Variants in CATSPERG observed in about 807,000 individuals in gnomAD.
CATSPERG encodes the protein cation channel sperm-associated auxiliary subunit gamma.
A neutral mutation model predicts 145.0 loss-of-function variants in CATSPERG; 115 were observed. The observed-to-expected ratio is 0.79, with a 90% CI of 0.68 to 0.93. The LOEUF (loss-of-function observed/expected upper bound fraction) is 0.93, where lower values mean the gene tolerates loss of function less well. Among genes scored for constraint, CATSPERG ranks in the 40% least tolerant of loss-of-function variants. The pLI, the probability that CATSPERG is intolerant of heterozygous loss-of-function variation, is 0.00. For synonymous variants in CATSPERG, 588 were observed against 589.0 expected, an observed-to-expected ratio of 1.00 and a Z score of 0.02; for missense variants, 1,296 against 1,490.1, an observed-to-expected ratio of 0.87 and a Z score of 2.14.
intron 11 of CATSPERG, among the ~76,000 whole-genome samples, chr19:38,357,586 G>T (rs1600470629): frequency 6.6e-6 from 1 of 151,714 alleles, no homozygotes; most frequent in Non-Finnish European, 1.5e-5. Context: ...GGACACCAAG[G>T]TGGGTGGAAT....
At chr19:38,354,564 C>A in intron 8 of CATSPERG, 146 bp from the exon 9 acceptor site, 1 of 885,012 alleles carries the variant, frequency 1.1e-6, no homozygotes, top group Non-Finnish European at 1.7e-6. Flanking sequence ...GTGCCCTCTG[C>A]CAGGTGCTCC....
chr19:38,346,616 T>C lies in CATSPERG; in HGVS notation c.825+11T>C. ...TTCTCTCTCGTGGAGGTGAACGGTG[T>C]GGGGCAGATGGTGGGCGGGGCGTCT... On this transcript the variant is annotated intron_variant, in intron 7 of 28. Coordinates refer to ENST00000409235, the MANE Select transcript of CATSPERG (RefSeq NM_021185.5). The C allele has an allele frequency of 6.5e-7, 1 of 1,539,338 alleles. No homozygotes were observed. The highest frequency in any genetic ancestry group is 2.0e-5 in the Admixed American group (1 of 50,726).
At position 38,360,469 on chromosome 19, in the gene CATSPERG, T is replaced by G; in HGVS notation, c.1609-20T>G. 6 of 1,613,570 alleles carry G rather than the reference T, an allele frequency of 3.7e-6. No homozygotes were observed. Among genetic ancestry groups the G allele is most frequent in the Non-Finnish European group, 2.5e-6 (3 of 1,179,862 alleles). Reference sequence around the variant, plus strand: ...ACCCCATGGTCCTGACACACACACATCCGGCTGTCATACCCGCAGATCTGG... The same window carrying G: ...ACCCCATGGTCCTGACACACACACAGCCGGCTGTCATACCCGCAGATCTGG... On this transcript the variant is annotated intron_variant, in intron 14 of 28. Coordinates refer to ENST00000409235, the MANE Select transcript of CATSPERG (RefSeq NM_021185.5).
intron 13 of CATSPERG, 96 bp downstream of exon 13, chr19:38,358,657 A>C: frequency 2.3e-5 from 33 of 1,460,954 alleles, no homozygotes; most frequent in Non-Finnish European, 2.9e-5. Context: ...GGCAAGTCTC[A>C]CCAAGCCTTC....
Position 38,370,147 on chromosome 19 carries a change from C to T in CATSPERG, c.3114-12C>T. On this transcript the variant is annotated splice_polypyrimidine_tract_variant and intron_variant, in intron 27 of 28. Transcript: ENST00000409235. The stretch of plus-strand genomic sequence containing the variant: ...TCTCCTCTAATCCTGGATCCCCTCC[C>T]AACCCCTGCAGAGGAGTGGACACGA... The T allele has an allele frequency of 6.2e-7, 1 of 1,613,764 alleles. No homozygotes were observed. The highest frequency in any genetic ancestry group is 8.5e-7 in the Non-Finnish European group (1 of 1,179,834).
intron 7 of CATSPERG, among the ~76,000 whole-genome samples, chr19:38,347,731 A>C (rs1970064243): frequency 6.6e-6 from 1 of 152,190 alleles, no homozygotes; most frequent in African/African-American, 2.4e-5. Flanking sequence ...ACCTGAGGTC[A>C]GGAGTTGCAG....
intron 8 of CATSPERG, among the ~76,000 whole-genome samples, chr19:38,354,025 A>G (rs979523019): frequency 1.6e-4 from 23 of 146,824 alleles, no homozygotes; most frequent in East Asian, 1.0e-3. Flanking sequence ...AAAAGATACC[A>G]AAGCTCTCTT....
intron 28 of CATSPERG, 122 bp downstream of exon 28, chr19:38,370,380 G>A (rs754948128): frequency 8.0e-6 from 11 of 1,382,510 alleles, no homozygotes; most frequent in African/African-American, 5.7e-5. Flanking sequence ...CTGACTGAAC[G>A]CCTGCCATGC....
rs370849392 is a variant in CATSPERG, at chr19:38,356,547, C to T, written c.1195+4C>T. 2.2e-5 allele frequency: 36 copies of T among 1,613,422 alleles called. No individual in the cohort carries two copies. Among genetic ancestry groups the T allele is most frequent in the Non-Finnish European group, 2.9e-5 (34 of 1,179,782 alleles). On this transcript the variant is annotated splice_donor_region_variant and intron_variant, in intron 10 of 28. Coordinates refer to ENST00000409235, the MANE Select transcript of CATSPERG (RefSeq NM_021185.5). ...TCTGTGTGCGAGCAGATAGGAGGTA[C>T]TCATTACCCCGATGGGTCTGCGGTG...
intron 3 of CATSPERG, among the ~76,000 whole-genome samples, chr19:38,341,169 G>A (rs759263380): frequency 1.3e-5 from 2 of 152,152 alleles, no homozygotes; most frequent in Admixed American, 6.5e-5. Flanking sequence ...GGGGCTTGAT[G>A]GGCCATGGTG....
Position 38,352,451 on chromosome 19 carries a change from G to T in CATSPERG, c.997+19G>T, listed in dbSNP as rs1004030873. The T allele has an allele frequency of 6.4e-7, 1 of 1,551,498 alleles. No individual in the cohort carries two copies. The highest frequency in any genetic ancestry group is 1.4e-5 in the African/African-American group (1 of 73,110). ...GGCAGTGGTGAGTGTGCTGTGGCTG[G>T]ACCCACGCCTGGGGAGGGCACCCTG... On this transcript the variant is annotated intron_variant, in intron 8 of 28. Transcript: ENST00000409235.
chr19:38,339,783 A>C (rs759660265), intron 3 of CATSPERG, among the ~76,000 whole-genome samples: 1 of 151,642 alleles, frequency 6.6e-6, no homozygotes, highest in African/African-American at 2.4e-5. Context: ...TTTTGAGTTA[A>C]TTTTTGTATA....
intron 20 of CATSPERG, 117 bp downstream of exon 20, chr19:38,362,949 T>C (rs1970380364): frequency 1.4e-6 from 1 of 721,292 alleles, no homozygotes. Flanking sequence ...GAGCGATCAC[T>C]GCATTCTTGG....
chr19:38,341,623 C>G (rs1332460809), intron 3 of CATSPERG, among the ~76,000 whole-genome samples: 2 of 151,966 alleles, frequency 1.3e-5, no homozygotes, highest in East Asian at 3.9e-4. Context: ...AAAATTGGGC[C>G]GGGCATAGTG....
chr19:38,352,666 C>T (rs2145085033), intron 8 of CATSPERG, among the ~76,000 whole-genome samples: 1 of 136,640 alleles, frequency 7.3e-6, no homozygotes, highest in South Asian at 2.4e-4. Flanking sequence ...TTGTGAGCAG[C>T]TGTGAGAAGA....
intron 6 of CATSPERG, among the ~76,000 whole-genome samples, chr19:38,345,927 C>G (rs1476178003): frequency 6.6e-6 from 1 of 152,190 alleles, no homozygotes; most frequent in Non-Finnish European, 1.5e-5. Flanking sequence ...AACACACAGA[C>G]CCAAATCTCT....
chr19:38,351,074 A>C (rs80248244), intron 7 of CATSPERG, among the ~76,000 whole-genome samples: 31,011 of 152,142 alleles, frequency 0.2, 3,714 homozygotes, highest in East Asian at 0.41. Context: ...ATTCAGTGGG[A>C]AAGATCTTTC....
At chr19:38,348,478 T>G (rs199801332) in intron 7 of CATSPERG, among the ~76,000 whole-genome samples, 14,231 of 103,722 alleles carry the variant, frequency 0.14, 338 homozygotes, top group East Asian at 0.3. Flanking sequence ...TTTTTTTTTG[T>G]TTTTTTTTTT....
rs755218685 is a variant in CATSPERG, at chr19:38,370,828, G to A, written c.*36G>A. On this transcript the variant is annotated 3_prime_UTR_variant, in exon 29 of 29. Coordinates refer to ENST00000409235, the MANE Select transcript of CATSPERG (RefSeq NM_021185.5). ...TGCCCCAGCCCCCAGTTACTGTCAC[G>A]CCTCTCTTATGAGGCCCATCTTGAA... 21 of 1,603,806 alleles carry A rather than the reference G, an allele frequency of 1.3e-5. No individual in the cohort carries two copies. Among genetic ancestry groups the A allele is most frequent in the Admixed American group, 1.7e-5 (1 of 59,804 alleles).
Sources: gnomAD v4.1 joint callset for allele counts (sites outside exome capture counted in the v4.1 genomes callset) on GRCh38, gnomAD v4.1.1 for gene constraint, MANE v1.5 for transcripts, NCBI Gene and HGNC (gene_info 2026-07-23, HGNC 2026-07-21) for gene names.